The following CHD6 variants were observed in gnomAD, a reference collection of about 807,000 sequenced individuals.
CHD6 encodes the protein ATP-dependent chromatin remodeler CHD6.
CHD6 carries 50 observed loss-of-function variants against 276.9 expected under a neutral mutation model. The observed-to-expected ratio is 0.18, with a 90% CI of 0.14 to 0.23. CHD6 has a LOEUF of 0.23. Among genes scored for constraint, CHD6 ranks in the 10% least tolerant of loss-of-function variants. The probability of loss-of-function intolerance (pLI) is 1.00; values close to 1 mark genes in which losing one functional copy is unlikely to be tolerated. For missense variants in CHD6, 2,564 were observed against 3,365.8 expected (o/e 0.76, Z 5.89); for synonymous variants, 1,173 against 1,229.3 (o/e 0.95, Z 0.96).
intron 3 of CHD6, among the ~76,000 whole-genome samples, chr20:41,522,131 A>G (rs1331433755): frequency 3.3e-5 from 5 of 152,264 alleles, no homozygotes; most frequent in East Asian, 1.9e-4. Context: ...GCTTGAGGTC[A>G]GAAGTTTGAG....
chr20:41,455,698 G>A lies in CHD6; in HGVS notation c.3009+102C>T, dbSNP rs865838399. 42 of 750,726 alleles carry A rather than the reference G, an allele frequency of 5.6e-5. No individual in the cohort carries two copies. In the Middle Eastern group the frequency reaches 2.5e-3, roughly 45 times the overall value. 46.5% of individuals were successfully genotyped at this position (750,726 alleles called of 1,614,324 possible). A position where few individuals can be genotyped will look rare whatever the true frequency, so the allele number is the denominator to read the frequency against. On this transcript the variant is annotated intron_variant, in intron 19 of 36. Coordinates refer to ENST00000373233, the MANE Select transcript of CHD6 (RefSeq NM_032221.5). ...GACTAAATGTGCAGCCAATTTCTAG[G>A]ATTTGCATTCAGAGAAACAGAAGCC... is the stretch of plus-strand genomic sequence containing the variant.
At chr20:41,454,850 A>G in intron 19 of CHD6, 114 bp from the exon 20 acceptor site, 1 of 614,122 alleles carries the variant, frequency 1.6e-6, no homozygotes, top group Non-Finnish European at 2.8e-6. Flanking sequence ...TTCAAAATCA[A>G]ACCCTTAACA....
chr20:41,615,710 T>C (rs1001938588), intron 1 of CHD6, among the ~76,000 whole-genome samples: 2 of 152,196 alleles, frequency 1.3e-5, no homozygotes, highest in Non-Finnish European at 2.9e-5. Flanking sequence ...TTCAAAGAGA[T>C]TCAGAACATG....
intron 20 of CHD6, among the ~76,000 whole-genome samples, 165 bp downstream of exon 20, chr20:41,454,461 G>C (rs544091365): frequency 3.9e-5 from 6 of 152,288 alleles, no homozygotes; most frequent in Admixed American, 3.9e-4. Context: ...CAACAGTTAA[G>C]ATTTATTGAG....
At chr20:41,587,137 T>C (rs754500201) in intron 1 of CHD6, among the ~76,000 whole-genome samples, 1 of 152,238 alleles carries the variant, frequency 6.6e-6, no homozygotes, top group Non-Finnish European at 1.5e-5. Context: ...AAGATTGACA[T>C]ATAAAAATCA....
intron 1 of CHD6, among the ~76,000 whole-genome samples, chr20:41,573,227 C>T (rs2045438398): frequency 6.6e-6 from 1 of 152,126 alleles, no homozygotes; most frequent in Non-Finnish European, 1.5e-5. Context: ...TCTACTACCA[C>T]CAATCTAGAA....
chr20:41,452,083 G>T lies in CHD6; in HGVS notation c.3324-58C>A. On this transcript the variant is annotated intron_variant, in intron 21 of 36. Transcript: ENST00000373233. The surrounding 1 kb of genome is among the most constrained non-coding windows in gnomAD (Gnocchi z 4.2). Reference sequence around the variant, plus strand: ...GAGAATGGACCAGGCCATGCAGGCAGCCTCCCCACAGGAGGAGAAACAAGA... The same window carrying T: ...GAGAATGGACCAGGCCATGCAGGCATCCTCCCCACAGGAGGAGAAACAAGA... 7.5e-7 allele frequency: 1 copy of T among 1,339,504 alleles called. No homozygotes were observed. The highest frequency in any genetic ancestry group is 1.1e-6 in the Non-Finnish European group (1 of 937,952). The allele number at this position is 1,339,504 out of a possible 1,614,324, so 83.0% of individuals were successfully genotyped here. A position where few individuals can be genotyped will look rare whatever the true frequency, so the allele number is the denominator to read the frequency against.
Position 41,590,259 on chromosome 20 carries a change from C to T in CHD6, c.-24+28081G>A, listed in dbSNP as rs577372132. Among the ~76,000 whole-genome samples, 47 of 152,250 alleles carry T rather than the reference C, an allele frequency of 3.1e-4. No homozygotes were observed. In the East Asian group the frequency reaches 8.3e-3, roughly 27 times the overall value. ...CATGTTAGACCTAAAACCATAAAAACGCTAGAAGAAAACCTAGGCAATACC... is the reference window on the plus strand; with the variant it reads ...CATGTTAGACCTAAAACCATAAAAATGCTAGAAGAAAACCTAGGCAATACC... On this transcript the variant is annotated intron_variant, in intron 1 of 36. Coordinates refer to ENST00000373233, the MANE Select transcript of CHD6 (RefSeq NM_032221.5).
intron 5 of CHD6, among the ~76,000 whole-genome samples, chr20:41,505,288 C>T (rs2043950097): frequency 6.6e-6 from 1 of 152,164 alleles, no homozygotes; most frequent in Admixed American, 6.5e-5. Flanking sequence ...TTTCAATCTG[C>T]CTTCTGTCTG....
chr20:41,508,205 A>G (rs2044024510), intron 5 of CHD6, among the ~76,000 whole-genome samples: 1 of 152,174 alleles, frequency 6.6e-6, no homozygotes, highest in African/African-American at 2.4e-5. Flanking sequence ...TGAAAGAACA[A>G]TCATATAGGA....
intron 16 of CHD6, among the ~76,000 whole-genome samples, chr20:41,482,245 A>G (rs2043312208): frequency 6.6e-6 from 1 of 152,198 alleles, no homozygotes; most frequent in South Asian, 2.1e-4. Context: ...CTCCTAATCT[A>G]TAGTGAATTG....
At chr20:41,592,478 T>G (rs1168029650) in intron 1 of CHD6, among the ~76,000 whole-genome samples, 1 of 152,246 alleles carries the variant, frequency 6.6e-6, no homozygotes, top group African/African-American at 2.4e-5. Flanking sequence ...GATATACTTT[T>G]GAACTATGAT....
intron 1 of CHD6, among the ~76,000 whole-genome samples, chr20:41,574,137 G>A (rs537505022): frequency 4.0e-5 from 6 of 151,072 alleles, no homozygotes; most frequent in African/African-American, 1.2e-4. Flanking sequence ...AAGAGGGAAG[G>A]GAAGTGGGGG....
intron 36 of CHD6, 86 bp downstream of exon 36, chr20:41,412,058 A>C (rs2046856072): frequency 1.3e-6 from 2 of 1,555,110 alleles, no homozygotes; most frequent in African/African-American, 1.4e-5. Context: ...ACCCCTTCCC[A>C]GCTGGGGCTT....
intron 2 of CHD6, among the ~76,000 whole-genome samples, chr20:41,546,266 C>A (rs949959802): frequency 6.6e-6 from 1 of 152,134 alleles, no homozygotes; most frequent in Non-Finnish European, 1.5e-5. Context: ...GAAAACTCTT[C>A]CCATCTTTAT....
intron 17 of CHD6, among the ~76,000 whole-genome samples, chr20:41,465,626 T>C (rs1452601638): frequency 6.6e-6 from 1 of 152,202 alleles, no homozygotes; most frequent in Non-Finnish European, 1.5e-5. Context: ...ATAAGGTCTG[T>C]AGATTAGTTA....
intron 31 of CHD6, among the ~76,000 whole-genome samples, chr20:41,418,550 A>G (rs922596466): frequency 6.6e-6 from 1 of 152,112 alleles, no homozygotes; most frequent in Admixed American, 6.5e-5. Context: ...TCAATGGGGG[A>G]CCACCACTGA....
At position 41,440,029 on chromosome 20, in the gene CHD6, A is replaced by G; in HGVS notation, c.3978T>C (p.Val1326=). The G allele has an allele frequency of 1.2e-6, 2 of 1,614,044 alleles. No homozygotes were observed. Among genetic ancestry groups the G allele is most frequent in the South Asian group, 1.1e-5 (1 of 91,074 alleles). Residue 1326 remains valine (V), a synonymous_variant, in exon 26 of 37, where the codon GTT becomes GTC. Transcript: ENST00000373233. ...CAGGAATGTCTGAGGTCCCATCTGT[A>G]ACACCCTGTTCTGCAGAAAGGGACT... The part of the protein sequence containing the change: ...DEKSLSAEQG[V]TDGTSDIPER...
intron 27 of CHD6, among the ~76,000 whole-genome samples, chr20:41,433,366 G>A (rs867272762): frequency 7.2e-5 from 11 of 152,124 alleles, no homozygotes; most frequent in African/African-American, 2.7e-4. Flanking sequence ...AGCATCAAGA[G>A]AGAAAAGACA....
Sources: gnomAD v4.1 joint callset for allele counts (sites outside exome capture counted in the v4.1 genomes callset) on GRCh38, gnomAD v4.1.1 for gene constraint, Gnocchi (gnomAD v3.1) non-coding constraint, MANE v1.5 for transcripts, NCBI Gene and HGNC (gene_info 2026-07-23, HGNC 2026-07-21) for gene names.